The following THSD4 variants were observed in gnomAD, a reference collection of about 807,000 sequenced individuals.
The protein encoded by THSD4 is thrombospondin type-1 domain-containing protein 4.
THSD4 carries 69 observed loss-of-function variants against 119.0 expected under a neutral mutation model. The observed-to-expected ratio is 0.58, with a 90% CI of 0.48 to 0.71. The LOEUF (loss-of-function observed/expected upper bound fraction) is 0.71. Among genes scored for constraint, THSD4 ranks in the 30% least tolerant of loss-of-function variants. The pLI is 0.00. For missense variants in THSD4, 1,393 were observed against 1,391.1 expected (o/e 1.00, Z -0.02); for synonymous variants, 524 against 540.4 (o/e 0.97, Z 0.42).
intron 6 of THSD4, among the ~76,000 whole-genome samples, chr15:71,285,795 A>G (rs1424103588): frequency 1.6e-5 from 2 of 125,816 alleles, no homozygotes; most frequent in Non-Finnish European, 3.1e-5. Context: ...CAGAGGTTGC[A>G]GTGAGCCGAA....
chr15:71,633,412 A>T (rs1306811873), intron 7 of THSD4, among the ~76,000 whole-genome samples: 4 of 151,396 alleles, frequency 2.6e-5, no homozygotes, highest in Non-Finnish European at 5.9e-5. Context: ...ATTAGCTGAG[A>T]CCACAGGCAC....
chr15:71,113,688 G>A (rs949843914), upstream of THSD4: 3 of 152,194 alleles, frequency 2.0e-5, no homozygotes, highest in Non-Finnish European at 4.4e-5. Context: ...CTCACGTGGA[G>A]TTTCTTTTAG....
At chr15:71,680,997 C>T (rs1318968674) in intron 8 of THSD4, among the ~76,000 whole-genome samples, 1 of 150,352 alleles carries the variant, frequency 6.7e-6, no homozygotes, top group Non-Finnish European at 1.5e-5. Context: ...CAGCTCACTG[C>T]AACCTCTTCC....
intron 3 of THSD4, among the ~76,000 whole-genome samples, chr15:71,199,913 T>TGG (rs869157405): frequency 9.3e-6 from 1 of 107,246 alleles, no homozygotes; most frequent in East Asian, 2.3e-4. Context: ...GGTGCATGTG[T>TGG]GGGGTGTGTG....
chr15:71,124,503 A>G (rs562970298), intron 1 of THSD4, among the ~76,000 whole-genome samples: 22 of 152,332 alleles, frequency 1.4e-4, no homozygotes, highest in Admixed American at 1.2e-3. Context: ...ATATCCTGAT[A>G]GTCAACAAAA....
chr15:71,614,830 G>C (rs1389001387), intron 7 of THSD4, among the ~76,000 whole-genome samples: 1 of 152,164 alleles, frequency 6.6e-6, no homozygotes, highest in Non-Finnish European at 1.5e-5. Flanking sequence ...TTTTGAAGGA[G>C]AGAGGCAGTC....
chr15:71,214,672 C>A (rs1455474109), intron 3 of THSD4, among the ~76,000 whole-genome samples: 3 of 152,218 alleles, frequency 2.0e-5, no homozygotes, highest in Non-Finnish European at 4.4e-5. Context: ...CCTTGCCTTT[C>A]CGGCAGGGTG....
chr15:71,445,971 C>T (rs1380341085), intron 7 of THSD4, among the ~76,000 whole-genome samples: 1 of 152,164 alleles, frequency 6.6e-6, no homozygotes, highest in Admixed American at 6.5e-5. Flanking sequence ...GATCGCTCTG[C>T]CTAATTGTCT....
At chr15:71,528,361 T>G (rs1471651133) in intron 7 of THSD4, among the ~76,000 whole-genome samples, 3 of 152,072 alleles carry the variant, frequency 2.0e-5, no homozygotes, top group Admixed American at 2.0e-4. Flanking sequence ...GTCAGCAACT[T>G]CTCATTCCAG....
intron 6 of THSD4, among the ~76,000 whole-genome samples, chr15:71,298,580 C>T (rs2044898322): frequency 6.7e-6 from 1 of 149,492 alleles, no homozygotes; most frequent in African/African-American, 2.5e-5. Context: ...TTCTGTGAGA[C>T]TGAGACTGAC....
chr15:71,298,130 A>G (rs963467971), intron 6 of THSD4, among the ~76,000 whole-genome samples: 2 of 152,100 alleles, frequency 1.3e-5, no homozygotes, highest in Non-Finnish European at 1.5e-5. Flanking sequence ...TATATGGTGT[A>G]AGGTAGGGTT....
intron 6 of THSD4, among the ~76,000 whole-genome samples, chr15:71,364,798 C>T (rs1411740489): frequency 6.6e-6 from 1 of 152,212 alleles, no homozygotes; most frequent in Non-Finnish European, 1.5e-5. Flanking sequence ...TGGTAAGGGG[C>T]ACACGTTGTG....
chr15:71,537,428 C>G (rs1007564905), intron 7 of THSD4, among the ~76,000 whole-genome samples: 1 of 152,128 alleles, frequency 6.6e-6, no homozygotes, highest in African/African-American at 2.4e-5. Context: ...GCTGGCTCCC[C>G]CTTGGTTGCT....
intron 6 of THSD4, among the ~76,000 whole-genome samples, chr15:71,339,981 T>C (rs1429606738): frequency 6.6e-6 from 1 of 152,148 alleles, no homozygotes; most frequent in Non-Finnish European, 1.5e-5. Flanking sequence ...TCCAGGCTGG[T>C]CTTGAACTCC....
At chr15:71,371,107 C>G (rs999293307) in intron 6 of THSD4, among the ~76,000 whole-genome samples, 15 of 152,128 alleles carry the variant, frequency 9.9e-5, no homozygotes, top group Middle Eastern at 6.8e-3. Context: ...CAACCCCTGC[C>G]TTTTTTTGTT....
At chr15:71,308,114 C>G (rs2140346159) in intron 6 of THSD4, among the ~76,000 whole-genome samples, 1 of 152,262 alleles carries the variant, frequency 6.6e-6, no homozygotes, top group Admixed American at 6.5e-5. Context: ...AGGCATTCAC[C>G]CTGAATACTG....
At chr15:71,694,014 CAAA>C in intron 8 of THSD4, among the ~76,000 whole-genome samples, 1 of 141,528 alleles carries the variant, frequency 7.1e-6, no homozygotes, top group Non-Finnish European at 1.5e-5. Context: ...GACCCTGTCT[CAAA>C]AAAAAAAAAG....
At chr15:71,557,006 A>G (rs1311056508) in intron 7 of THSD4, among the ~76,000 whole-genome samples, 1 of 151,916 alleles carries the variant, frequency 6.6e-6, no homozygotes, top group African/African-American at 2.4e-5. Context: ...TAACCTTTGC[A>G]ATGGCTAGAA....
At chr15:71,603,526 G>A (rs2050052505) in intron 7 of THSD4, among the ~76,000 whole-genome samples, 2 of 152,226 alleles carry the variant, frequency 1.3e-5, no homozygotes, top group Non-Finnish European at 2.9e-5. Flanking sequence ...TTGAGTGGAA[G>A]GTTACTCCCA....
Sources: allele counts gnomAD v4.1 joint callset (sites outside exome capture counted in the v4.1 genomes callset), GRCh38; gene constraint gnomAD v4.1.1; transcripts MANE v1.5; gene names NCBI Gene and HGNC (gene_info 2026-07-23, HGNC 2026-07-21).